The following L3MBTL4 variants were observed in gnomAD, a reference collection of about 807,000 sequenced individuals.
The protein encoded by L3MBTL4 is lethal(3)malignant brain tumor-like protein 4.
A neutral mutation model predicts 84.5 loss-of-function variants in L3MBTL4; 70 were observed. That is an observed-to-expected ratio of 0.83 (90% confidence interval 0.68 to 1.01). L3MBTL4 has a LOEUF of 1.01. Among genes scored for constraint, L3MBTL4 ranks in the 50% least tolerant of loss-of-function variants. The probability of loss-of-function intolerance (pLI) is 0.00; values close to 1 mark genes in which losing one functional copy is unlikely to be tolerated. For synonymous variants in L3MBTL4, 274 were observed against 259.8 expected (o/e 1.05, Z -0.52); for missense variants, 715 against 754.8 (o/e 0.95, Z 0.62).
chr18:6,014,731 T>C (rs1225765297), intron 16 of L3MBTL4, among the ~76,000 whole-genome samples: 1 of 151,324 alleles, frequency 6.6e-6, no homozygotes, highest in Non-Finnish European at 1.5e-5. Context: ...GGACAAAGGG[T>C]TTTGTTAAGA....
At chr18:6,067,328 A>G (rs2057436288) in intron 16 of L3MBTL4, among the ~76,000 whole-genome samples, 1 of 152,114 alleles carries the variant, frequency 6.6e-6, no homozygotes, top group Admixed American at 6.5e-5. Context: ...AGTTTTCTGT[A>G]TTTGGATATA....
chr18:6,146,988 C>T (rs1158058361), intron 13 of L3MBTL4, among the ~76,000 whole-genome samples: 1 of 151,968 alleles, frequency 6.6e-6, no homozygotes, highest in South Asian at 2.1e-4. Context: ...CTTTTATGTT[C>T]TCGGTGAAAC....
intron 13 of L3MBTL4, 37 bp from the exon 14 acceptor site, chr18:6,138,333 T>G (rs139949671): frequency 2.4e-6 from 3 of 1,269,158 alleles, no homozygotes; most frequent in East Asian, 4.8e-5. Context: ...GAAAACACCC[T>G]CATTAAAGAA....
intron 16 of L3MBTL4, among the ~76,000 whole-genome samples, chr18:6,002,414 G>A (rs2054253341): frequency 6.6e-6 from 1 of 152,130 alleles, no homozygotes; most frequent in Admixed American, 6.5e-5. Flanking sequence ...CAGTATTACT[G>A]TAATTTTGGT....
At chr18:6,031,356 C>G in intron 16 of L3MBTL4, 1 of 985,384 alleles carries the variant, frequency 1.0e-6, no homozygotes, top group Non-Finnish European at 1.2e-6. Flanking sequence ...CTTCCTTCAC[C>G]TTATTGTAGA....
intron 3 of L3MBTL4, among the ~76,000 whole-genome samples, chr18:6,311,334 T>A (rs2050820757): frequency 6.6e-6 from 1 of 151,768 alleles, no homozygotes; most frequent in Admixed American, 6.6e-5. Context: ...AAAGAAAAGG[T>A]CTCCTTTCAC....
At chr18:6,195,057 G>A (rs899159361) in intron 12 of L3MBTL4, among the ~76,000 whole-genome samples, 22 of 152,304 alleles carry the variant, frequency 1.4e-4, no homozygotes, top group Admixed American at 2.6e-4. Flanking sequence ...TTGCCCATAA[G>A]TGTAAAGTTT....
At position 6,241,468 on chromosome 18, in the gene L3MBTL4, A is replaced by T. The variant is rs766450388; in HGVS notation, c.461-19T>A. 2 of 1,327,610 alleles carry T rather than the reference A, an allele frequency of 1.5e-6. No homozygotes were observed. The highest frequency in any genetic ancestry group is 2.1e-6 in the Non-Finnish European group (2 of 933,460). 82.2% of individuals were successfully genotyped at this position (1,327,610 alleles called of 1,614,324 possible). ...CTATAACCTAAAAAAAGCACAGATT[A>T]CTCAAAATACCCAAAAGATGTAATC... On this transcript the variant is annotated intron_variant, in intron 7 of 18. Coordinates refer to ENST00000317931, the MANE Select transcript of L3MBTL4 (RefSeq NM_001330559.2).
chr18:6,378,161 G>A (rs1019165979), intron 1 of L3MBTL4, among the ~76,000 whole-genome samples: 14 of 152,088 alleles, frequency 9.2e-5, no homozygotes, highest in African/African-American at 3.4e-4. Flanking sequence ...TTTTGGATGG[G>A]GTTGTTTGTT....
intron 1 of L3MBTL4, among the ~76,000 whole-genome samples, chr18:6,330,603 C>G (rs1000973633): frequency 6.6e-6 from 1 of 152,224 alleles, no homozygotes; most frequent in African/African-American, 2.4e-5. Flanking sequence ...GATCAGCAAC[C>G]TTCATTTCAT....
At chr18:6,039,356 C>T (rs571319423) in intron 16 of L3MBTL4, among the ~76,000 whole-genome samples, 1 of 152,182 alleles carries the variant, frequency 6.6e-6, no homozygotes, top group South Asian at 2.1e-4. Flanking sequence ...ATACGCTGCT[C>T]CACCCACATT....
intron 16 of L3MBTL4, among the ~76,000 whole-genome samples, chr18:5,986,190 T>G (rs2053458383): frequency 6.6e-6 from 1 of 152,236 alleles, no homozygotes; most frequent in African/African-American, 2.4e-5. Context: ...TGAGCATGTA[T>G]GAATGAGAAT....
At chr18:6,011,260 T>G (rs1406516489) in intron 16 of L3MBTL4, among the ~76,000 whole-genome samples, 8 of 152,152 alleles carry the variant, frequency 5.3e-5, no homozygotes, top group African/African-American at 1.9e-4. Flanking sequence ...AAGTGACATG[T>G]GACAAGTTCT....
intron 16 of L3MBTL4, among the ~76,000 whole-genome samples, chr18:6,035,994 G>C (rs532063143): frequency 6.6e-6 from 1 of 152,292 alleles, no homozygotes; most frequent in Admixed American, 6.5e-5. Context: ...TTGGTTGACA[G>C]TATCTTTGTG....
chr18:6,384,481 T>C (rs1348504156), intron 1 of L3MBTL4, among the ~76,000 whole-genome samples: 1 of 152,196 alleles, frequency 6.6e-6, no homozygotes, highest in East Asian at 1.9e-4. Flanking sequence ...CTCTGTTGAA[T>C]TGTATACCCT....
chr18:6,109,321 G>A (rs968576934), intron 14 of L3MBTL4, among the ~76,000 whole-genome samples: 2 of 152,042 alleles, frequency 1.3e-5, no homozygotes, highest in East Asian at 1.9e-4. Context: ...TATACCATGT[G>A]CGCAGGCATT....
chr18:6,414,851 G>T lies in L3MBTL4; in HGVS notation c.-141C>A, dbSNP rs2056133448. The stretch of plus-strand genomic sequence containing the variant: ...AACGCCGACCGAGCTACAGGCGGGG[G>T]GCGAGTCGGAGCGCGAGGTTCCGCC... On this transcript the variant is annotated 5_prime_UTR_variant, in exon 1 of 19. Coordinates refer to ENST00000317931, the MANE Select transcript of L3MBTL4 (RefSeq NM_001330559.2). The surrounding 1 kb of genome is among the most constrained non-coding windows in gnomAD (Gnocchi z 5.4). The T allele has an allele frequency of 6.6e-6, 1 of 150,554 alleles. No homozygotes were observed. Among genetic ancestry groups the T allele is most frequent in the Non-Finnish European group, 1.5e-5 (1 of 67,542 alleles). 9.3% of individuals were successfully genotyped at this position (150,554 alleles called of 1,614,324 possible).
chr18:6,192,291 T>C (rs949901344), intron 12 of L3MBTL4, among the ~76,000 whole-genome samples: 1 of 152,106 alleles, frequency 6.6e-6, no homozygotes, highest in Non-Finnish European at 1.5e-5. Context: ...TTGATGGAAA[T>C]TGTCTTACGG....
At position 6,386,320 on chromosome 18, in the gene L3MBTL4, T is replaced by C. The variant is rs184839874; in HGVS notation, c.-91+28481A>G. 6.6e-5 allele frequency among the ~76,000 whole-genome samples: 10 copies of C among 152,294 alleles called. 4 individuals carry two copies. Among genetic ancestry groups the C allele is most frequent in the African/African-American group, 2.4e-4 (10 of 41,562 alleles). Reference sequence around the variant, plus strand: ...TGGTGCAGACGGCCTGCCATTGATGTCTGGGGAAGGGATGACTGACTGCAA... The same window carrying C: ...TGGTGCAGACGGCCTGCCATTGATGCCTGGGGAAGGGATGACTGACTGCAA... On this transcript the variant is annotated intron_variant, in intron 1 of 18. Transcript: ENST00000317931.
Sources: gnomAD v4.1 joint callset for allele counts (sites outside exome capture counted in the v4.1 genomes callset) on GRCh38, gnomAD v4.1.1 for gene constraint, Gnocchi (gnomAD v3.1) non-coding constraint, MANE v1.5 for transcripts, NCBI Gene and HGNC (gene_info 2026-07-23, HGNC 2026-07-21) for gene names.